TPMT: variants seen among roughly 807,000 people sequenced by gnomAD.
The protein encoded by TPMT is thiopurine S-methyltransferase.
A neutral mutation model predicts 34.2 loss-of-function variants in TPMT; 18 were observed. The ratio of observed to expected loss-of-function variants is 0.53; its 90% confidence interval spans 0.36 to 0.78. TPMT has a LOEUF of 0.78. Among genes scored for constraint, TPMT ranks in the 30% least tolerant of loss-of-function variants. The pLI, the probability that TPMT is intolerant of heterozygous loss-of-function variation, is 0.00. For missense variants in TPMT, 265 were observed against 288.1 expected, an observed-to-expected ratio of 0.92 and a Z score of 0.58; for synonymous variants, 69 against 92.4, an observed-to-expected ratio of 0.75 and a Z score of 1.45.
Position 18,130,458 on chromosome 6 carries a change from G to A in TPMT, c.*210C>T. On this transcript the variant is annotated 3_prime_UTR_variant, in exon 9 of 9. Coordinates refer to ENST00000309983, the MANE Select transcript of TPMT (RefSeq NM_000367.5). The surrounding 1 kb of genome is among the most constrained non-coding windows in gnomAD (Gnocchi z 4.2). ...TTCACATCATAATCTCCTCTCCAAA[G>A]GAGCTACTTTAAAAGTTTAGTTACA... is the stretch of plus-strand genomic sequence containing the variant. 1 of 512,762 alleles carries A rather than the reference G, an allele frequency of 2.0e-6. No homozygotes were observed. The highest frequency in any genetic ancestry group is 1.9e-5 in the African/African-American group (1 of 52,034). 31.8% of individuals were successfully genotyped at this position (512,762 alleles called of 1,614,324 possible). A position where few individuals can be genotyped will look rare whatever the true frequency, so the allele number is the denominator to read the frequency against.
upstream of TPMT, chr6:18,155,144 GCCCC>G (rs1163166477): frequency 5.9e-5 from 2 of 33,640 alleles, no homozygotes. The surrounding 1 kb of genome is among the most constrained non-coding windows in gnomAD (Gnocchi z 6.2). Context: ...CTCCGCCCGC[GCCCC>G]GCCTCCGCCC....
chr6:18,148,408 GATGATGTC>G lies in TPMT; in HGVS notation c.141-501_141-494del, dbSNP rs544669744. On this transcript the variant is annotated intron_variant, in intron 2 of 8. Coordinates refer to ENST00000309983, the MANE Select transcript of TPMT (RefSeq NM_000367.5). This position sits in a 1 kb window ranked among gnomAD's most constrained non-coding sequence, Gnocchi z 4.1. ...TTTCTGGTATGATGATGATGATGAT[GATGATGTC>G]ATCTCCTGGGGAGATGGGCGTGGCT... is the stretch of plus-strand genomic sequence containing the variant. Among the ~76,000 whole-genome samples, 140 of 152,240 alleles carry G rather than the reference GATGATGTC, an allele frequency of 9.2e-4. No homozygotes were observed. The highest frequency in any genetic ancestry group is 1.6e-3 in the Non-Finnish European group (112 of 68,024).
chr6:18,142,112 TAAA>T (rs1470361675), intron 4 of TPMT, among the ~76,000 whole-genome samples: 1 of 152,084 alleles, frequency 6.6e-6, no homozygotes. Flanking sequence ...GGCTGCACTA[TAAA>T]ATCCGGCGCT....
At chr6:18,152,736 G>A (rs544907933) in intron 1 of TPMT, among the ~76,000 whole-genome samples, 2 of 152,174 alleles carry the variant, frequency 1.3e-5, no homozygotes, top group African/African-American at 2.4e-5. Context: ...AGTAGATAGA[G>A]CGTCAGATAC....
rs965514484 is a variant in TPMT at position 18,143,510 on chromosome 6, A to T, written c.366+86T>A. 1.7e-4 allele frequency: 266 copies of T among 1,548,170 alleles called. No homozygotes were observed. Among genetic ancestry groups the T allele is most frequent in the Non-Finnish European group, 2.3e-4 (261 of 1,125,224 alleles). On this transcript the variant is annotated intron_variant, in intron 4 of 8. Coordinates refer to ENST00000309983, the MANE Select transcript of TPMT (RefSeq NM_000367.5). The surrounding 1 kb of genome is among the most constrained non-coding windows in gnomAD (Gnocchi z 6.1). The stretch of plus-strand genomic sequence containing the variant: ...GCGTGCTAAATAGGAACCATCGGAC[A>T]CATGAATGGTATCCTCATAATACTC...
rs990070208 is a variant in TPMT, at chr6:18,152,282, T to C, written c.-45+2751A>G. 2.0e-5 allele frequency among the ~76,000 whole-genome samples: 3 copies of C among 152,164 alleles called. No homozygotes were observed. The East Asian group carries it at 5.8e-4, about 29-fold the overall frequency. On this transcript the variant is annotated intron_variant, in intron 1 of 8. Coordinates refer to ENST00000309983, the MANE Select transcript of TPMT (RefSeq NM_000367.5). The stretch of plus-strand genomic sequence containing the variant: ...GCAAAATCCTTTCCCACTTGTCCAT[T>C]TGCCTTTCCAAAATTTTACTAATTT...
rs1418089902 is a variant in TPMT at position 18,130,126 on chromosome 6, A to G, written c.*542T>C. The G allele has an allele frequency of 6.4e-6, 1 of 155,248 alleles. No individual in the cohort carries two copies. Among genetic ancestry groups the G allele is most frequent in the Non-Finnish European group, 1.4e-5 (1 of 70,374 alleles). The allele number at this position is 155,248 out of a possible 1,614,324, so 9.6% of individuals were successfully genotyped here. A position where few individuals can be genotyped will look rare whatever the true frequency, so the allele number is the denominator to read the frequency against. ...TGGTGAAACCCTGTCTCTACTAAAA[A>G]TACAAAAAATTAGCTGGGCGTGGTG... On this transcript the variant is annotated 3_prime_UTR_variant, in exon 9 of 9. Transcript: ENST00000309983. This position sits in a 1 kb window ranked among gnomAD's most constrained non-coding sequence, Gnocchi z 4.2.
At position 18,135,817 on chromosome 6, in the gene TPMT, C is replaced by T. The variant is rs1307309831; in HGVS notation, c.495-1928G>A. Among the ~76,000 whole-genome samples the T allele has an allele frequency of 1.3e-5, 2 of 151,874 alleles. No individual in the cohort carries two copies. The highest frequency in any genetic ancestry group is 2.4e-5 in the African/African-American group (1 of 41,336). ...CCAGAAGGCAGGGGTTGCAGTGAGC[C>T]GAGATCATGCCATTGCACTCCAGCC... On this transcript the variant is annotated intron_variant, in intron 6 of 8. Transcript: ENST00000309983. The surrounding 1 kb of genome is among the most constrained non-coding windows in gnomAD (Gnocchi z 5.0).
At position 18,149,683 on chromosome 6, in the gene TPMT, A is replaced by G. The variant is rs576169762; in HGVS notation, c.-44-512T>C. ...TTCTCATTTTGTTGTCCAGACAACA[A>G]AGAACGCCTGGGCTCAAGGGATCCT... On this transcript the variant is annotated intron_variant, in intron 1 of 8. Coordinates refer to ENST00000309983, the MANE Select transcript of TPMT (RefSeq NM_000367.5). The surrounding 1 kb of genome is among the most constrained non-coding windows in gnomAD (Gnocchi z 5.0). Among the ~76,000 whole-genome samples, 95 of 152,146 alleles carry G rather than the reference A, an allele frequency of 6.2e-4. No homozygotes were observed. The highest frequency in any genetic ancestry group is 2.2e-3 in the African/African-American group (93 of 41,504).
Position 18,132,255 on chromosome 6 carries a change from C to T in TPMT, c.581-78G>A. Reference sequence around the variant, plus strand: ...TTGTTCTACATACAACTTCATTATCCAAATAGGTGATGATGTGGCATGTTC... The same window carrying T: ...TTGTTCTACATACAACTTCATTATCTAAATAGGTGATGATGTGGCATGTTC... On this transcript the variant is annotated intron_variant, in intron 7 of 8. Coordinates refer to ENST00000309983, the MANE Select transcript of TPMT (RefSeq NM_000367.5). This position sits in a 1 kb window ranked among gnomAD's most constrained non-coding sequence, Gnocchi z 4.8. The T allele has an allele frequency of 3.0e-6, 4 of 1,334,902 alleles. No homozygotes were observed. Among genetic ancestry groups the T allele is most frequent in the South Asian group, 2.4e-5 (2 of 83,238 alleles). The allele number at this position is 1,334,902 out of a possible 1,614,324, so 82.7% of individuals were successfully genotyped here.
rs1449716801 is a variant in TPMT at position 18,136,420 on chromosome 6, C to T, written c.495-2531G>A. On this transcript the variant is annotated intron_variant, in intron 6 of 8. Coordinates refer to ENST00000309983, the MANE Select transcript of TPMT (RefSeq NM_000367.5). This position sits in a 1 kb window ranked among gnomAD's most constrained non-coding sequence, Gnocchi z 4.7. The stretch of plus-strand genomic sequence containing the variant: ...CATGTATAATCTGTTCAGTTACTTG[C>T]CCCGCCTCTGGCATACTATCTATTT... 2.0e-5 allele frequency among the ~76,000 whole-genome samples: 3 copies of T among 152,182 alleles called. No individual in the cohort carries two copies. The South Asian group carries it at 6.2e-4, about 32-fold the overall frequency.
In TPMT at chr6:18,136,624, A is replaced by G. The variant is rs1388785736; in HGVS notation, c.494+2339T>C. ...GGAGTTCGAGACCAGCCTGACCAAC[A>G]TGGAGAAACCCCGTCTCTACTAAAA... On this transcript the variant is annotated intron_variant, in intron 6 of 8. Coordinates refer to ENST00000309983, the MANE Select transcript of TPMT (RefSeq NM_000367.5). This position sits in a 1 kb window ranked among gnomAD's most constrained non-coding sequence, Gnocchi z 4.7. Among the ~76,000 whole-genome samples the G allele has an allele frequency of 1.3e-5, 2 of 152,194 alleles. No homozygotes were observed. Among genetic ancestry groups the G allele is most frequent in the African/African-American group, 2.4e-5 (1 of 41,450 alleles).
Position 18,147,881 on chromosome 6 carries a change from C to A in TPMT, c.175G>T (p.Gly59Cys). Reference sequence around the variant, plus strand: ...AAAAATACCCTCAGTCCACTCTTGCCTTTAAGGAAAGTATCTAAATGCTTC... The same window carrying A: ...AAAAATACCCTCAGTCCACTCTTGCATTTAAGGAAAGTATCTAAATGCTTC... ...LKKHLDTFLK[G>C]KSGLRVFFPL... The change falls in exon 3 of 9, where the codon GGC (glycine) becomes TGC (cysteine). Residue 59 changes from glycine (G) to cysteine (C), a missense_variant. Physicochemically the swap from Gly to Cys is radical, Grantham distance 159. Coordinates refer to ENST00000309983, the MANE Select transcript of TPMT (RefSeq NM_000367.5). The A allele has an allele frequency of 6.2e-7, 1 of 1,613,768 alleles. No homozygotes were observed. Among genetic ancestry groups the A allele is most frequent in the South Asian group, 1.1e-5 (1 of 91,074 alleles).
chr6:18,144,803 C>T (rs1784218593), intron 3 of TPMT, among the ~76,000 whole-genome samples: 1 of 152,086 alleles, frequency 6.6e-6, no homozygotes, highest in African/African-American at 2.4e-5. Context: ...TCACTGCAAC[C>T]TCCACCTCCC....
At chr6:18,147,775 A>G (rs1229119960) in intron 3 of TPMT, 48 bp downstream of exon 3, 10 of 1,541,344 alleles carry the variant, frequency 6.5e-6, no homozygotes, top group Non-Finnish European at 9.0e-6. Flanking sequence ...CACCCAAAGA[A>G]TTCATCATTA....
chr6:18,139,587 A>G lies in TPMT; in HGVS notation c.419+78T>C. 1 of 1,146,848 alleles carries G rather than the reference A, an allele frequency of 8.7e-7. No homozygotes were observed. The highest frequency in any genetic ancestry group is 1.3e-6 in the Non-Finnish European group (1 of 761,274). 71.0% of individuals were successfully genotyped at this position (1,146,848 alleles called of 1,614,324 possible). On this transcript the variant is annotated intron_variant, in intron 5 of 8. Transcript: ENST00000309983. This position sits in a 1 kb window ranked among gnomAD's most constrained non-coding sequence, Gnocchi z 4.2. ...TTACACAGGAGGAAGAGAGTGAGGA[A>G]GACACCTCCACTCCCATGCCTGCAC...
chr6:18,143,615 G>C lies in TPMT; in HGVS notation c.347C>G (p.Pro116Arg). Residue 116 changes from proline to arginine, a missense_variant, in exon 4 of 9, where the codon CCT becomes CGT. Pro to Arg is a moderately radical substitution (Grantham distance 103). Coordinates refer to ENST00000309983, the MANE Select transcript of TPMT (RefSeq NM_000367.5). This position sits in a 1 kb window ranked among gnomAD's most constrained non-coding sequence, Gnocchi z 6.1. ...SYSEEPITEIPGTKVFKSSSG... is the reference protein window; with the variant it reads ...SYSEEPITEIRGTKVFKSSSG... ...ACAAACCTTAAATACTTTGGTTCCAGGAATTTCGGTGATTGGTTCTTCTGA... is the reference window on the plus strand; with the variant it reads ...ACAAACCTTAAATACTTTGGTTCCACGAATTTCGGTGATTGGTTCTTCTGA... 6.2e-7 allele frequency: 1 copy of C among 1,612,844 alleles called. No homozygotes were observed. Among genetic ancestry groups the C allele is most frequent in the Non-Finnish European group, 8.5e-7 (1 of 1,179,986 alleles).
chr6:18,144,551 G>C (rs779701855), intron 3 of TPMT, among the ~76,000 whole-genome samples: 2 of 151,824 alleles, frequency 1.3e-5, no homozygotes, highest in African/African-American at 2.4e-5. Context: ...GCTAATTTTT[G>C]TATTTTTAGT....
chr6:18,150,589 C>CT lies in TPMT; in HGVS notation c.-44-1419dup, dbSNP rs913200447. Among the ~76,000 whole-genome samples, 7 of 152,104 alleles carry CT rather than the reference C, an allele frequency of 4.6e-5. No individual in the cohort carries two copies. The highest frequency in any genetic ancestry group is 1.9e-4 in the East Asian group (1 of 5,180). On this transcript the variant is annotated intron_variant, in intron 1 of 8. Transcript: ENST00000309983. This position sits in a 1 kb window ranked among gnomAD's most constrained non-coding sequence, Gnocchi z 5.3. ...CTCCAGCTTTATTTCATGTCTTCCT[C>CT]TTTTTTTTGTTGTTATTTTTTAGTG...
Sources: gnomAD v4.1 joint callset for allele counts (sites outside exome capture counted in the v4.1 genomes callset) on GRCh38, gnomAD v4.1.1 for gene constraint, Gnocchi (gnomAD v3.1) non-coding constraint, MANE v1.5 for transcripts, NCBI Gene and HGNC (gene_info 2026-07-23, HGNC 2026-07-21) for gene names.